TENM3: variants seen among roughly 807,000 people sequenced by gnomAD.
TENM3 encodes teneurin transmembrane protein 3, also known as teneurin-3.
In TENM3, 63 loss-of-function variants were observed where a neutral mutation model predicts 255.1. That is an observed-to-expected ratio of 0.25 (90% CI 0.20 to 0.30). The LOEUF is 0.30. Among genes scored for constraint, TENM3 ranks in the 10% least tolerant of loss-of-function variants. The pLI is 1.00. For missense variants in TENM3, 2,929 were observed against 3,461.1 expected, an observed-to-expected ratio of 0.85 and a Z score of 3.86; for synonymous variants, 1,306 against 1,322.3, an observed-to-expected ratio of 0.99 and a Z score of 0.27.
At chr4:182,231,900 A>G (rs1756608661) in intron 1 of TENM3, among the ~76,000 whole-genome samples, 1 of 152,212 alleles carries the variant, frequency 6.6e-6, no homozygotes, top group African/African-American at 2.4e-5. Flanking sequence ...CAGAAGGGAA[A>G]ATAATGGCTG....
the TENM3 span, among the ~76,000 whole-genome samples, chr4:181,566,995 C>T: frequency 6.6e-6 from 1 of 152,162 alleles, no homozygotes; most frequent in Non-Finnish European, 1.5e-5. Flanking sequence ...TCTGGCCTCC[C>T]AGAGCTTACC....
intron 4 of TENM3, among the ~76,000 whole-genome samples, chr4:182,615,208 G>A (rs1363462916): frequency 2.0e-5 from 3 of 151,678 alleles, no homozygotes; most frequent in Non-Finnish European, 2.9e-5. Flanking sequence ...AGTAGGTAAA[G>A]AGAATGATTA....
chr4:182,136,989 A>G, the TENM3 span, among the ~76,000 whole-genome samples: 1 of 151,794 alleles, frequency 6.6e-6, no homozygotes, highest in Non-Finnish European at 1.5e-5. Context: ...CCCCCACCCA[A>G]TACAACGTTG....
the TENM3 span, among the ~76,000 whole-genome samples, chr4:181,758,810 C>T: frequency 6.6e-6 from 1 of 152,108 alleles, no homozygotes; most frequent in African/African-American, 2.4e-5. Flanking sequence ...TCTGTTTCCT[C>T]CTGTTTTCAG....
the TENM3 span, among the ~76,000 whole-genome samples, chr4:182,066,601 T>A: frequency 0.042 from 3,127 of 75,134 alleles, 97 homozygotes; most frequent in African/African-American, 0.13. Flanking sequence ...AAAAAAAAAA[T>A]ATATATATAT....
the TENM3 span, among the ~76,000 whole-genome samples, chr4:181,772,818 T>C: frequency 6.6e-6 from 1 of 152,150 alleles, no homozygotes; most frequent in East Asian, 1.9e-4. Context: ...TTATCTGAAT[T>C]TTCACCTTAT....
At chr4:182,039,785 G>T in the TENM3 span, among the ~76,000 whole-genome samples, 1 of 151,090 alleles carries the variant, frequency 6.6e-6, no homozygotes, top group African/African-American at 2.4e-5. Flanking sequence ...CTGGTACCTA[G>T]CACAATGCTT....
chr4:182,752,985 C>T (rs989662842), intron 20 of TENM3, among the ~76,000 whole-genome samples: 9 of 128,900 alleles, frequency 7.0e-5, no homozygotes, highest in Non-Finnish European at 1.1e-4. Flanking sequence ...CTCACTCTGT[C>T]GCCCAGGCTG....
In TENM3 at chr4:182,744,093, CTTTTTTTTTT is replaced by C. The variant is rs957977132; in HGVS notation, c.3629+688_3629+697del. On this transcript the variant is annotated intron_variant, in intron 19 of 27. Coordinates refer to ENST00000511685, the MANE Select transcript of TENM3 (RefSeq NM_001080477.4). ...TAGAAGGCTTTTCTAACTGTGCTTT[CTTTTTTTTTT>C]TTTTTTTTTTTTTACCTTTTTTTAT... 18 of 451,900 alleles carry C rather than the reference CTTTTTTTTTT, an allele frequency of 4.0e-5. No individual in the cohort carries two copies. The East Asian group carries it at 1.6e-3, about 40-fold the overall frequency. 28.0% of individuals were successfully genotyped at this position (451,900 alleles called of 1,614,324 possible).
intron 5 of TENM3, among the ~76,000 whole-genome samples, chr4:182,630,455 A>C (rs953990162): frequency 6.6e-6 from 1 of 151,918 alleles, no homozygotes; most frequent in East Asian, 1.9e-4. Context: ...CCAGTCATAA[A>C]TGGGATGTAA....
chr4:181,723,515 T>C, the TENM3 span, among the ~76,000 whole-genome samples: 8 of 152,084 alleles, frequency 5.3e-5, 1 homozygote, highest in Admixed American at 1.3e-4. Flanking sequence ...AGTTGATGGA[T>C]CATTTAGCTG....
At chr4:181,794,098 T>G in the TENM3 span, among the ~76,000 whole-genome samples, 1 of 152,312 alleles carries the variant, frequency 6.6e-6, no homozygotes, top group East Asian at 1.9e-4. Context: ...TTATTATAGT[T>G]TACATATCTT....
intron 3 of TENM3, among the ~76,000 whole-genome samples, chr4:182,450,798 G>A (rs1773393662): frequency 6.6e-6 from 1 of 152,200 alleles, no homozygotes; most frequent in Non-Finnish European, 1.5e-5. Context: ...GAAGAATAGT[G>A]CTGTATAAGA....
At chr4:182,509,797 G>T (rs1293949225) in intron 3 of TENM3, among the ~76,000 whole-genome samples, 1 of 151,894 alleles carries the variant, frequency 6.6e-6, no homozygotes, top group Non-Finnish European at 1.5e-5. Flanking sequence ...ACTAGCTGGG[G>T]GTGGTGGCGC....
At chr4:182,682,496 A>G (rs968861399) in intron 11 of TENM3, among the ~76,000 whole-genome samples, 1 of 152,240 alleles carries the variant, frequency 6.6e-6, no homozygotes, top group African/African-American at 2.4e-5. Context: ...TAACATGGTT[A>G]TAATAGAAAT....
chr4:182,179,052 A>G (rs1355676047), intron 1 of TENM3, among the ~76,000 whole-genome samples: 1 of 152,256 alleles, frequency 6.6e-6, no homozygotes, highest in Non-Finnish European at 1.5e-5. Context: ...AGTGCCTTTA[A>G]GGTGAGAATT....
chr4:182,222,591 G>A (rs1230603223), intron 1 of TENM3, among the ~76,000 whole-genome samples: 4 of 152,164 alleles, frequency 2.6e-5, no homozygotes, highest in African/African-American at 9.7e-5. Flanking sequence ...GTAGTTTATC[G>A]TTGCAAAGTG....
chr4:182,243,187 G>A (rs541623525), upstream of TENM3, among the ~76,000 whole-genome samples: 6 of 152,236 alleles, frequency 3.9e-5, no homozygotes, highest in South Asian at 2.1e-4. Context: ...TGATCTTGGC[G>A]CATTGAGACT....
At chr4:182,627,543 G>A (rs1416752603) in intron 4 of TENM3, among the ~76,000 whole-genome samples, 1 of 94,200 alleles carries the variant, frequency 1.1e-5, no homozygotes, top group Non-Finnish European at 2.3e-5. Flanking sequence ...ATATCAGATT[G>A]GAAGATCTCT....
Sources: gnomAD v4.1 joint callset for allele counts (sites outside exome capture counted in the v4.1 genomes callset) on GRCh38, gnomAD v4.1.1 for gene constraint, MANE v1.5 for transcripts, NCBI Gene and HGNC (gene_info 2026-07-23, HGNC 2026-07-21) for gene names.